PABPC3: variants seen among roughly 807,000 people sequenced by gnomAD.
PABPC3 encodes polyadenylate-binding protein 3.
Under a neutral mutation model 43.0 loss-of-function variants are expected in PABPC3, and 43 were observed. The observed-to-expected ratio is 1.00, with a 90% CI of 0.78 to 1.29. PABPC3 has a LOEUF of 1.29. Ranked by LOEUF, PABPC3 falls within the 50% of genes most tolerant of loss-of-function variation. The pLI, the probability that PABPC3 is intolerant of heterozygous loss-of-function variation, is 0.00. For synonymous variants in PABPC3, 221 were observed against 274.6 expected (o/e 0.80, Z 1.93); for missense variants, 784 against 798.1 (o/e 0.98, Z 0.21).
In PABPC3 at chr13:25,096,164, C is replaced by T; in HGVS notation, c.-35C>T. 1 of 1,587,882 alleles carries T rather than the reference C, an allele frequency of 6.3e-7. No individual in the cohort carries two copies. The highest frequency in any genetic ancestry group is 8.6e-7 in the Non-Finnish European group (1 of 1,165,370). ...CGCTCTACTCCTGTAACGGAAAGGT[C>T]GCGGCTTGTGTGCCTGCGGGCAGCC... On this transcript the variant is annotated 5_prime_UTR_variant, in exon 1 of 1. Coordinates refer to ENST00000281589, the MANE Select transcript of PABPC3 (RefSeq NM_030979.3).
At position 25,097,664 on chromosome 13, in the gene PABPC3, C is replaced by T. The variant is rs777018048; in HGVS notation, c.1466C>T (p.Ala489Val). Reference sequence around the variant, plus strand: ...ACACAGACAGTGGGTCCACGTCCTGCAGCTGCTGCTGCTGCTGCAGCTACC... The same window carrying T: ...ACACAGACAGTGGGTCCACGTCCTGTAGCTGCTGCTGCTGCTGCAGCTACC... ...TSTQTVGPRPAAAAAAAATPA... is the reference protein window; with the variant it reads ...TSTQTVGPRPVAAAAAAATPA... Residue 489 changes from alanine to valine, a missense_variant, in exon 1 of 1, where the codon GCA (alanine) becomes GTA (valine). Ala to Val is a moderately conservative substitution (Grantham distance 64, BLOSUM62 0). Transcript: ENST00000281589. The T allele has an allele frequency of 6.2e-7, 1 of 1,614,074 alleles. No individual in the cohort carries two copies. Among genetic ancestry groups the T allele is most frequent in the Non-Finnish European group, 8.5e-7 (1 of 1,179,998 alleles).
Position 25,097,473 on chromosome 13 carries a change from A to G in PABPC3, c.1275A>G (p.Leu425=), listed in dbSNP as rs1490647622. 1.9e-6 allele frequency: 3 copies of G among 1,614,258 alleles called. No individual in the cohort carries two copies. Among genetic ancestry groups the G allele is most frequent in the Admixed American group, 1.7e-5 (1 of 60,032 alleles). ...AYYPPSQIAR[L]RPSPRWTAQG... Reference sequence around the variant, plus strand: ...ATCCTCCTAGCCAAATTGCTCGACTAAGACCAAGTCCTCGCTGGACTGCTC... The same window carrying G: ...ATCCTCCTAGCCAAATTGCTCGACTGAGACCAAGTCCTCGCTGGACTGCTC... The change falls in exon 1 of 1, where the codon CTA becomes CTG. Residue 425 remains leucine (L), a synonymous_variant. Transcript: ENST00000281589.
rs749728121 is a variant in PABPC3 at position 25,097,981 on chromosome 13, C to T, written c.1783C>T (p.Pro595Ser). ...AGAACTTCTTTATATGCTCGAGTCT[C>T]CAGAGTCACTCCGTTCTAAGGTTGA... ...NSELLYMLES[P>S]ESLRSKVDEA... The change falls in exon 1 of 1, where the codon CCA becomes TCA. Residue 595 changes from proline to serine, a missense_variant. By Grantham distance (74) the Pro-to-Ser change is moderately conservative. Coordinates refer to ENST00000281589, the MANE Select transcript of PABPC3 (RefSeq NM_030979.3). 1.5e-5 allele frequency: 25 copies of T among 1,613,824 alleles called. No individual in the cohort carries two copies. The highest frequency in any genetic ancestry group is 1.7e-6 in the Non-Finnish European group (2 of 1,179,866).
In PABPC3 at chr13:25,097,338, C is replaced by T. The variant is rs759948013; in HGVS notation, c.1140C>T (p.Asn380=). ...RKEERQAYLT[N]EYMQRMASVR... The stretch of plus-strand genomic sequence containing the variant: ...AAGAGCGCCAGGCTTACCTCACTAA[C>T]GAGTATATGCAGAGAATGGCAAGTG... The change falls in exon 1 of 1, where the codon AAC becomes AAT. Residue 380 remains asparagine, a synonymous_variant. Coordinates refer to ENST00000281589, the MANE Select transcript of PABPC3 (RefSeq NM_030979.3). The T allele has an allele frequency of 2.1e-5, 34 of 1,614,112 alleles. No individual in the cohort carries two copies. The highest frequency in any genetic ancestry group is 5.3e-5 in the African/African-American group (4 of 74,938).
chr13:25,098,422 A>G lies in PABPC3; in HGVS notation c.*328A>G, dbSNP rs1410213586. 1 of 245,406 alleles carries G rather than the reference A, an allele frequency of 4.1e-6. No homozygotes were observed. The highest frequency in any genetic ancestry group is 8.4e-6 in the Non-Finnish European group (1 of 119,594). The allele number at this position is 245,406 out of a possible 1,614,324, so 15.2% of individuals were successfully genotyped here. On this transcript the variant is annotated 3_prime_UTR_variant, in exon 1 of 1. Coordinates refer to ENST00000281589, the MANE Select transcript of PABPC3 (RefSeq NM_030979.3). ...TTTTCAGCAAAGTACAAAAATTTAAAGCATTCCTTTAATTTTTTAATTCTT... is the reference window on the plus strand; with the variant it reads ...TTTTCAGCAAAGTACAAAAATTTAAGGCATTCCTTTAATTTTTTAATTCTT...
chr13:25,098,108 C>A lies in PABPC3; in HGVS notation c.*14C>A. ...CCAACTGTTTAAAATTGATCAGAGA[C>A]CACGAAAAGAAATTTGTGCTTCACC... On this transcript the variant is annotated 3_prime_UTR_variant, in exon 1 of 1. Coordinates refer to ENST00000281589, the MANE Select transcript of PABPC3 (RefSeq NM_030979.3). 3 of 1,600,702 alleles carry A rather than the reference C, an allele frequency of 1.9e-6. No individual in the cohort carries two copies. The highest frequency in any genetic ancestry group is 2.3e-5 in the South Asian group (2 of 88,408).
At position 25,098,105 on chromosome 13, in the gene PABPC3, AG is replaced by A; in HGVS notation, c.*12del. 1 of 1,606,410 alleles carries A rather than the reference AG, an allele frequency of 6.2e-7. No homozygotes were observed. The highest frequency in any genetic ancestry group is 8.5e-7 in the Non-Finnish European group (1 of 1,175,858). On this transcript the variant is annotated 3_prime_UTR_variant, in exon 1 of 1. Transcript: ENST00000281589. ...GTTCCAACTGTTTAAAATTGATCAG[AG>A]ACCACGAAAAGAAATTTGTGCTTCA...
Position 25,096,476 on chromosome 13 carries a change from T to C in PABPC3, c.278T>C (p.Leu93Pro). The C allele has an allele frequency of 6.2e-7, 1 of 1,614,216 alleles. No homozygotes were observed. Reference sequence around the variant, plus strand: ...ATGTGGTCTCAGCGTGATCCATCACTTCGAAAAAGTGGAGTGGGCAACATA... The same window carrying C: ...ATGTGGTCTCAGCGTGATCCATCACCTCGAAAAAGTGGAGTGGGCAACATA... ...RIMWSQRDPS[L>P]RKSGVGNIFV... The change falls in exon 1 of 1, where the codon CTT becomes CCT. Residue 93 changes from leucine (L) to proline (P), a missense_variant. By Grantham distance (98) the Leu-to-Pro change is moderately conservative. Transcript: ENST00000281589.
Position 25,098,961 on chromosome 13 carries a change from C to G in PABPC3, c.*867C>G, listed in dbSNP as rs1380976001. 6.0e-6 allele frequency: 1 copy of G among 166,784 alleles called. No individual in the cohort carries two copies. The highest frequency in any genetic ancestry group is 1.5e-5 in the Non-Finnish European group (1 of 68,010). 10.3% of individuals were successfully genotyped at this position (166,784 alleles called of 1,614,324 possible). On this transcript the variant is annotated 3_prime_UTR_variant, in exon 1 of 1. Coordinates refer to ENST00000281589, the MANE Select transcript of PABPC3 (RefSeq NM_030979.3). ...TGTACATAGTTATTTCTTGGTTTAT[C>G]AATTTTGTAATTTAACTATTGACTT...
At position 25,098,036 on chromosome 13, in the gene PABPC3, A is replaced by G; in HGVS notation, c.1838A>G (p.Gln613Arg). The change falls in exon 1 of 1, where the codon CAA (glutamine) becomes CGA (arginine). Residue 613 changes from glutamine to arginine, a missense_variant. Physicochemically the swap from Gln to Arg is conservative, Grantham distance 43. Coordinates refer to ENST00000281589, the MANE Select transcript of PABPC3 (RefSeq NM_030979.3). Reference sequence around the variant, plus strand: ...GCTGTAGCTGTACTACAAGCCCACCAAGCTAAAGAGGCTACCCAGAAAGCA... The same window carrying G: ...GCTGTAGCTGTACTACAAGCCCACCGAGCTAAAGAGGCTACCCAGAAAGCA... ...DEAVAVLQAHQAKEATQKAVN... is the reference protein window; with the variant it reads ...DEAVAVLQAHRAKEATQKAVN... 2 of 1,614,030 alleles carry G rather than the reference A, an allele frequency of 1.2e-6. No homozygotes were observed. The highest frequency in any genetic ancestry group is 1.7e-6 in the Non-Finnish European group (2 of 1,179,874).
At position 25,097,399 on chromosome 13, in the gene PABPC3, G is replaced by A. The variant is rs1956048627; in HGVS notation, c.1201G>A (p.Gly401Ser). Residue 401 changes from glycine (G) to serine (S), a missense_variant, in exon 1 of 1, where the codon GGT (glycine) becomes AGT (serine). By Grantham distance (56) the Gly-to-Ser change is moderately conservative (BLOSUM62 0). Transcript: ENST00000281589. ...AVPNQRAPPS[G>S]YFMTAVPQTQ... ...GCCCAACCAGCGAGCACCTCCTTCA[G>A]GTTACTTCATGACAGCTGTCCCACA... The A allele has an allele frequency of 6.2e-7, 1 of 1,613,966 alleles. No homozygotes were observed. The highest frequency in any genetic ancestry group is 1.7e-5 in the Admixed American group (1 of 59,980).
rs1956056747 is a variant in PABPC3 at position 25,098,014 on chromosome 13, G to A, written c.1816G>A (p.Val606Ile). 1 of 1,614,016 alleles carries A rather than the reference G, an allele frequency of 6.2e-7. No individual in the cohort carries two copies. Among genetic ancestry groups the A allele is most frequent in the Non-Finnish European group, 8.5e-7 (1 of 1,179,884 alleles). Residue 606 changes from valine (V) to isoleucine (I), a missense_variant, in exon 1 of 1, where the codon GTA (valine) becomes ATA (isoleucine). Transcript: ENST00000281589. ...ESLRSKVDEA[V>I]AVLQAHQAKE... ...ACTCCGTTCTAAGGTTGATGAAGCT[G>A]TAGCTGTACTACAAGCCCACCAAGC...
Position 25,098,213 on chromosome 13 carries a change from A to G in PABPC3, c.*119A>G. Reference sequence around the variant, plus strand: ...AAATAAAAAATGCAAAATCTAAAATAAAAAATGGAAAGGAAACTTTGAACC... The same window carrying G: ...AAATAAAAAATGCAAAATCTAAAATGAAAAATGGAAAGGAAACTTTGAACC... On this transcript the variant is annotated 3_prime_UTR_variant, in exon 1 of 1. Transcript: ENST00000281589. 1.1e-6 allele frequency: 1 copy of G among 897,998 alleles called. No individual in the cohort carries two copies. Among genetic ancestry groups the G allele is most frequent in the Non-Finnish European group, 1.7e-6 (1 of 577,888 alleles). The allele number at this position is 897,998 out of a possible 1,614,324, so 55.6% of individuals were successfully genotyped here.
chr13:25,099,089 TATTA>T lies in PABPC3; in HGVS notation c.*1002_*1005del, dbSNP rs1394003470. On this transcript the variant is annotated 3_prime_UTR_variant, in exon 1 of 1. Transcript: ENST00000281589. ...CTACTTGTAGCTCCTTTATTGGTAA[TATTA>T]ATTAATATAAATATTTATAATTAAT... 6.0e-5 allele frequency: 10 copies of T among 166,474 alleles called. No individual in the cohort carries two copies. The highest frequency in any genetic ancestry group is 2.9e-5 in the Non-Finnish European group (2 of 67,950). The allele number at this position is 166,474 out of a possible 1,614,324, so 10.3% of individuals were successfully genotyped here. A position where few individuals can be genotyped will look rare whatever the true frequency, so the allele number is the denominator to read the frequency against.
At position 25,096,953 on chromosome 13, in the gene PABPC3, A is replaced by G; in HGVS notation, c.755A>G (p.Asn252Ser). ...EDAQKAVDEMNGKELNGKQIY... is the reference protein window; with the variant it reads ...EDAQKAVDEMSGKELNGKQIY... The stretch of plus-strand genomic sequence containing the variant: ...GCACAGAAAGCTGTAGATGAGATGA[A>G]TGGAAAGGAGCTCAATGGAAAACAA... Residue 252 changes from asparagine to serine, a missense_variant, in exon 1 of 1, where the codon AAT becomes AGT. Coordinates refer to ENST00000281589, the MANE Select transcript of PABPC3 (RefSeq NM_030979.3). 2 of 1,614,242 alleles carry G rather than the reference A, an allele frequency of 1.2e-6. No individual in the cohort carries two copies. Among genetic ancestry groups the G allele is most frequent in the Non-Finnish European group, 1.7e-6 (2 of 1,180,022 alleles).
Position 25,096,204 on chromosome 13 carries a change from C to T in PABPC3, c.6C>T (p.Asn2=), listed in dbSNP as rs752979622. The T allele has an allele frequency of 2.5e-6, 4 of 1,611,578 alleles. No homozygotes were observed. Among genetic ancestry groups the T allele is most frequent in the Non-Finnish European group, 3.4e-6 (4 of 1,178,302 alleles). Residue 2 remains asparagine, a synonymous_variant, in exon 1 of 1, where the codon AAC becomes AAT. Transcript: ENST00000281589. M[N]PSTPSYPTAS... ...TGCGGGCAGCCGTGCCGAGAATGAA[C>T]CCCAGCACCCCCAGCTACCCAACGG...
rs143942354 is a variant in PABPC3, at chr13:25,096,391, G to A, written c.193G>A (p.Ala65Thr). 6.2e-7 allele frequency: 1 copy of A among 1,614,108 alleles called. No individual in the cohort carries two copies. Among genetic ancestry groups the A allele is most frequent in the African/African-American group, 1.3e-5 (1 of 74,948 alleles). Residue 65 changes from alanine to threonine, a missense_variant, in exon 1 of 1, where the codon GCG becomes ACG. Coordinates refer to ENST00000281589, the MANE Select transcript of PABPC3 (RefSeq NM_030979.3). Reference protein sequence around the residue: ...AYVNFQHTKDAEHALDTMNFD... With the variant: ...AYVNFQHTKDTEHALDTMNFD... ...TGTGAACTTCCAGCATACGAAGGACGCGGAGCATGCTCTGGACACCATGAA... is the reference window on the plus strand; with the variant it reads ...TGTGAACTTCCAGCATACGAAGGACACGGAGCATGCTCTGGACACCATGAA...
In PABPC3 at chr13:25,097,753, C is replaced by T. The variant is rs757885062; in HGVS notation, c.1555C>T (p.Arg519Cys). ...GGGAGTTCGCAATCCTCAGCAACAT[C>T]GTAATGCACAGCCACAAGTTACAAT... ...AAGVRNPQQHRNAQPQVTMQQ... is the reference protein window; with the variant it reads ...AAGVRNPQQHCNAQPQVTMQQ... The change falls in exon 1 of 1, where the codon CGT becomes TGT. Residue 519 changes from arginine to cysteine, a missense_variant. Arg to Cys is a radical substitution (Grantham distance 180). Transcript: ENST00000281589. 1.1e-5 allele frequency: 17 copies of T among 1,614,032 alleles called. No homozygotes were observed. The highest frequency in any genetic ancestry group is 8.0e-5 in the African/African-American group (6 of 74,930).
rs142438880 is a variant in PABPC3, at chr13:25,096,695, G to A, written c.497G>A (p.Arg166His). Residue 166 changes from arginine (R) to histidine (H), a missense_variant, in exon 1 of 1, where the codon CGC becomes CAC. Arg to His is a conservative substitution (Grantham distance 29, BLOSUM62 0). Transcript: ENST00000281589. Reference sequence around the variant, plus strand: ...ATGAACGGAATGCTCCTAAATGGTCGCAAAGTATTTGTTGGACAATTTAAG... The same window carrying A: ...ATGAACGGAATGCTCCTAAATGGTCACAAAGTATTTGTTGGACAATTTAAG... ...KKMNGMLLNG[R>H]KVFVGQFKSR... The A allele has an allele frequency of 1.4e-4, 233 of 1,614,292 alleles. No individual in the cohort carries two copies. The African/African-American group carries it at 2.4e-3, about 17-fold the overall frequency.
Sources: allele counts gnomAD v4.1 joint callset, GRCh38; gene constraint gnomAD v4.1.1; transcripts MANE v1.5; gene names NCBI Gene and HGNC (gene_info 2026-07-23, HGNC 2026-07-21).